SYT17: variants seen among roughly 807,000 people sequenced by gnomAD.
SYT17 encodes synaptotagmin 17.
Under a neutral mutation model 46.7 loss-of-function variants are expected in SYT17, and 22 were observed. The observed-to-expected ratio is 0.47, with a 90% CI of 0.34 to 0.67. The LOEUF (loss-of-function observed/expected upper bound fraction) is 0.67, where lower values mean the gene tolerates loss of function less well. SYT17 is among the 30% of genes least tolerant of loss of function. The probability of loss-of-function intolerance (pLI) is 0.01; values close to 1 mark genes in which losing one functional copy is unlikely to be tolerated. For synonymous variants in SYT17, 251 were observed against 248.4 expected (o/e 1.01, Z -0.10); for missense variants, 519 against 612.8 (o/e 0.85, Z 1.62).
chr16:19,224,563 G>A, intron 6 of SYT17, 120 bp from the exon 7 acceptor site: 1 of 1,086,712 alleles, frequency 9.2e-7, no homozygotes, highest in East Asian at 2.5e-5. Context: ...TTGAATGGGT[G>A]GATGGATAGA....
intron 5 of SYT17, chr16:19,211,205 G>T (rs1013667661): frequency 1.5e-5 from 7 of 467,754 alleles, no homozygotes; most frequent in Non-Finnish European, 7.5e-6. Context: ...TTGTGACATC[G>T]CTTCCACAAG....
At chr16:19,228,208 A>G (rs1966562143) in intron 7 of SYT17, among the ~76,000 whole-genome samples, 1 of 152,132 alleles carries the variant, frequency 6.6e-6, no homozygotes, top group African/African-American at 2.4e-5. Context: ...AAGGGTAGCC[A>G]CACCACACCC....
intron 5 of SYT17, among the ~76,000 whole-genome samples, chr16:19,188,095 C>T (rs78868860): frequency 0.019 from 2,888 of 152,212 alleles, 85 homozygotes; most frequent in African/African-American, 0.066. Context: ...AAATGTCCAT[C>T]AGTGATAGAC....
chr16:19,253,400 A>T (rs548852796), intron 7 of SYT17, among the ~76,000 whole-genome samples: 158 of 152,110 alleles, frequency 1.0e-3, no homozygotes, highest in Middle Eastern at 3.4e-3. Context: ...TTAAAAAAAA[A>T]ATTTTTTAAA....
intron 5 of SYT17, among the ~76,000 whole-genome samples, chr16:19,197,505 G>A (rs1965299381): frequency 6.6e-6 from 1 of 151,948 alleles, no homozygotes; most frequent in African/African-American, 2.4e-5. Context: ...ATGGAGTGCA[G>A]TGGTGCAGTA....
intron 7 of SYT17, among the ~76,000 whole-genome samples, chr16:19,242,547 T>TG (rs767208553): frequency 6.6e-6 from 1 of 152,060 alleles, no homozygotes. Flanking sequence ...TTTTTTGAGA[T>TG]GGGGTCTCAC....
chr16:19,257,947 A>G (rs958205065), intron 7 of SYT17, among the ~76,000 whole-genome samples: 1 of 110,608 alleles, frequency 9.0e-6, no homozygotes, highest in Admixed American at 1.1e-4. Context: ...TCCCATTGGT[A>G]AAGATGTTTT....
At chr16:19,193,515 T>C (rs751474124) in intron 5 of SYT17, among the ~76,000 whole-genome samples, 3 of 152,222 alleles carry the variant, frequency 2.0e-5, no homozygotes, top group Non-Finnish European at 4.4e-5. Flanking sequence ...TTCAGAGCAT[T>C]GTGGCTTAGG....
At chr16:19,195,750 AAGGCGGGGGGATTATGTG>A (rs1392679650) in intron 5 of SYT17, among the ~76,000 whole-genome samples, 3 of 152,040 alleles carry the variant, frequency 2.0e-5, no homozygotes, top group Non-Finnish European at 2.9e-5. Context: ...TTGGGAGGCC[AAGGCGGGGGGATTATGTG>A]AGTCAGGAGT....
intron 5 of SYT17, among the ~76,000 whole-genome samples, chr16:19,210,078 ATTATT>A (rs144197910): frequency 0.34 from 51,923 of 151,462 alleles, 9,048 homozygotes; most frequent in Middle Eastern, 0.42. Context: ...ATTATATTTT[ATTATT>A]TTATTTTTAT....
intron 2 of SYT17, 53 bp from the exon 3 acceptor site, chr16:19,173,377 T>TCCCCCC: frequency 1.5e-5 from 2 of 133,944 alleles, no homozygotes; most frequent in South Asian, 2.3e-4. Context: ...TTCCCCACCC[T>TCCCCCC]GCCCACCTCC....
At chr16:19,259,608 T>C (rs1333215390) in intron 7 of SYT17, among the ~76,000 whole-genome samples, 1 of 152,186 alleles carries the variant, frequency 6.6e-6, no homozygotes, top group Non-Finnish European at 1.5e-5. Flanking sequence ...CCATGAGCAT[T>C]AAATAGGTTC....
intron 7 of SYT17, among the ~76,000 whole-genome samples, chr16:19,247,480 C>T (rs1034658527): frequency 7.9e-5 from 12 of 152,190 alleles, no homozygotes; most frequent in South Asian, 4.1e-4. Context: ...CCTCCTGTCC[C>T]GGCCTCCCAA....
At chr16:19,234,861 A>G (rs552649595) in intron 7 of SYT17, among the ~76,000 whole-genome samples, 1 of 152,318 alleles carries the variant, frequency 6.6e-6, no homozygotes, top group South Asian at 2.1e-4. Context: ...GAGGTATTTA[A>G]TAGCTCAGCC....
chr16:19,206,439 G>A (rs144234759), intron 5 of SYT17, among the ~76,000 whole-genome samples: 42 of 152,286 alleles, frequency 2.8e-4, no homozygotes, highest in Non-Finnish European at 5.0e-4. Context: ...GGAGAGCTGG[G>A]ATTGCAATGG....
chr16:19,244,414 G>T (rs1361635309), intron 7 of SYT17, among the ~76,000 whole-genome samples: 2 of 152,014 alleles, frequency 1.3e-5, no homozygotes, highest in African/African-American at 4.8e-5. Context: ...GCTCACTGCA[G>T]CCTTGAACTC....
chr16:19,242,535 T>A (rs185109820), intron 7 of SYT17, among the ~76,000 whole-genome samples: 13 of 143,808 alleles, frequency 9.0e-5, no homozygotes, highest in African/African-American at 2.3e-4. Context: ...ATTAAAAAAA[T>A]TTTTTTTGAG....
chr16:19,187,541 A>G (rs1383117132), intron 5 of SYT17, among the ~76,000 whole-genome samples: 1 of 152,218 alleles, frequency 6.6e-6, no homozygotes. Flanking sequence ...TAGGAAGGTC[A>G]TGCTATATGA....
chr16:19,180,689 C>A, intron 4 of SYT17, 150 bp downstream of exon 4: 1 of 896,532 alleles, frequency 1.1e-6, no homozygotes, highest in Non-Finnish European at 1.7e-6. Flanking sequence ...GAGATAATGA[C>A]GGTGTGACAG....
Sources: allele counts gnomAD v4.1 joint callset (sites outside exome capture counted in the v4.1 genomes callset), GRCh38; gene constraint gnomAD v4.1.1; transcripts MANE v1.5; gene names NCBI Gene and HGNC (gene_info 2026-07-23, HGNC 2026-07-21).